ACTR3C: variants seen among roughly 807,000 people sequenced by gnomAD.
The protein encoded by ACTR3C is actin-related protein 3C.
Under a neutral mutation model 26.3 loss-of-function variants are expected in ACTR3C, and 18 were observed. The observed-to-expected ratio is 0.68, with a 90% CI of 0.47 to 1.01. The LOEUF is 1.01. Ranked by LOEUF, ACTR3C falls within the 50% of genes least tolerant of loss-of-function variation. The probability of loss-of-function intolerance (pLI) is 0.00; values close to 1 mark genes in which losing one functional copy is unlikely to be tolerated. For missense variants in ACTR3C, 184 were observed against 250.7 expected (o/e 0.73, Z 1.80); for synonymous variants, 55 against 94.5 (o/e 0.58, Z 2.42).
chr7:149,945,580 C>T, the ACTR3C span, among the ~76,000 whole-genome samples: 3 of 152,056 alleles, frequency 2.0e-5, no homozygotes, highest in Non-Finnish European at 2.9e-5. Context: ...GCCCGCAGCT[C>T]AGAGACCAGC....
At chr7:149,882,478 G>T in the ACTR3C span, among the ~76,000 whole-genome samples, 1 of 152,116 alleles carries the variant, frequency 6.6e-6, no homozygotes, top group Non-Finnish European at 1.5e-5. Flanking sequence ...CAGGCAGGGT[G>T]GCCTTTCTCA....
the ACTR3C span, among the ~76,000 whole-genome samples, chr7:149,887,398 G>A: frequency 6.6e-6 from 1 of 152,138 alleles, no homozygotes; most frequent in African/African-American, 2.4e-5. Context: ...TACAGAGAGC[G>A]AGACTGTGAT....
At chr7:149,992,984 C>T in the ACTR3C span, among the ~76,000 whole-genome samples, 11 of 151,670 alleles carry the variant, frequency 7.3e-5, no homozygotes, top group Non-Finnish European at 1.3e-4. Context: ...GCGGAGGAAC[C>T]GGGAGTCTGA....
the ACTR3C span, among the ~76,000 whole-genome samples, chr7:150,128,053 CAAAAAAA>C: frequency 1.8e-5 from 2 of 113,852 alleles, no homozygotes; most frequent in South Asian, 2.9e-4. Context: ...AAATTCATTC[CAAAAAAA>C]AAAAAAAAAA....
At chr7:150,013,912 C>T in the ACTR3C span, among the ~76,000 whole-genome samples, 1 of 152,162 alleles carries the variant, frequency 6.6e-6, no homozygotes, top group African/African-American at 2.4e-5. Flanking sequence ...GTCTATAGGC[C>T]TCTTTCATTT....
chr7:149,968,406 G>A, the ACTR3C span, among the ~76,000 whole-genome samples: 2 of 152,168 alleles, frequency 1.3e-5, no homozygotes, highest in East Asian at 1.9e-4. Context: ...GGTGGCGGGC[G>A]CCTGTAGTCC....
chr7:150,169,189 G>A, the ACTR3C span, among the ~76,000 whole-genome samples: 1 of 149,952 alleles, frequency 6.7e-6, no homozygotes, highest in Non-Finnish European at 1.5e-5. Context: ...AGACCATCCT[G>A]GCTAACATGG....
the ACTR3C span, among the ~76,000 whole-genome samples, chr7:149,994,774 A>G: frequency 0.027 from 4,177 of 151,908 alleles, 192 homozygotes; most frequent in African/African-American, 0.096. Context: ...TAGAAATCCA[A>G]TGTTTACTGA....
the ACTR3C span, among the ~76,000 whole-genome samples, chr7:150,186,324 TA>T: frequency 2.0e-5 from 3 of 152,190 alleles, no homozygotes; most frequent in African/African-American, 7.2e-5. Flanking sequence ...ATCCATTTTT[TA>T]AAAAAATTCA....
At chr7:150,119,497 A>G in the ACTR3C span, among the ~76,000 whole-genome samples, 1 of 152,224 alleles carries the variant, frequency 6.6e-6, no homozygotes, top group East Asian at 1.9e-4. Flanking sequence ...AGGGCATTAC[A>G]TAATGGTAAA....
the ACTR3C span, among the ~76,000 whole-genome samples, chr7:150,022,869 A>G: frequency 7.1e-5 from 1 of 14,114 alleles, no homozygotes; most frequent in Admixed American, 1.7e-3. Context: ...CTAAGACTTT[A>G]TAATAAGTGC....
At chr7:150,162,333 A>ATTTTT in the ACTR3C span, among the ~76,000 whole-genome samples, 1 of 150,930 alleles carries the variant, frequency 6.6e-6, no homozygotes. Context: ...TGCAAAAGTA[A>ATTTTT]TTTTTTTTTT....
At chr7:150,229,995 C>A in the ACTR3C span, among the ~76,000 whole-genome samples, 1 of 150,626 alleles carries the variant, frequency 6.6e-6, no homozygotes, top group African/African-American at 2.5e-5. Context: ...GAGGCTGAGG[C>A]GGGTGGATCA....
At chr7:150,011,719 C>T in the ACTR3C span, among the ~76,000 whole-genome samples, 1 of 152,166 alleles carries the variant, frequency 6.6e-6, no homozygotes, top group Non-Finnish European at 1.5e-5. Context: ...TCTCAATTCC[C>T]TTCTGCCTTA....
At chr7:150,313,492 C>G (rs1796508194) in intron 1 of ACTR3C, among the ~76,000 whole-genome samples, 1 of 152,218 alleles carries the variant, frequency 6.6e-6, no homozygotes, top group South Asian at 2.1e-4. Flanking sequence ...CTCCAGGTAG[C>G]AGGCTTCACA....
At chr7:150,035,541 T>G in the ACTR3C span, among the ~76,000 whole-genome samples, 5 of 96,994 alleles carry the variant, frequency 5.2e-5, no homozygotes, top group Admixed American at 8.8e-5. Flanking sequence ...TGCCTCCCCC[T>G]CCTGCGATGG....
At chr7:150,036,621 G>T in the ACTR3C span, among the ~76,000 whole-genome samples, 877 of 133,796 alleles carry the variant, frequency 6.6e-3, 71 homozygotes, top group African/African-American at 0.023. Context: ...CACAGTCTAC[G>T]AAACCCCACA....
the ACTR3C span, among the ~76,000 whole-genome samples, chr7:150,003,894 GGT>G: frequency 5.5e-4 from 32 of 57,968 alleles, no homozygotes; most frequent in African/African-American, 1.3e-3. Context: ...GGGTGTGTGT[GGT>G]GTGTGTGTGT....
chr7:150,116,376 A>G, the ACTR3C span, among the ~76,000 whole-genome samples: 1 of 152,214 alleles, frequency 6.6e-6, no homozygotes, highest in Non-Finnish European at 1.5e-5. Flanking sequence ...AAGTTTGTCA[A>G]GTCTCTTCTT....
Sources: gnomAD v4.1 joint callset for allele counts (sites outside exome capture counted in the v4.1 genomes callset) on GRCh38, gnomAD v4.1.1 for gene constraint, MANE v1.5 for transcripts, NCBI Gene and HGNC (gene_info 2026-07-23, HGNC 2026-07-21) for gene names.